Variants in CLOCK observed in about 807,000 individuals in gnomAD.
CLOCK encodes the protein clock circadian regulator.
A neutral mutation model predicts 118.4 loss-of-function variants in CLOCK; 43 were observed. That is an observed-to-expected ratio of 0.36 (90% CI 0.28 to 0.47). CLOCK has a LOEUF of 0.47. Ranked by LOEUF, CLOCK falls within the 20% of genes least tolerant of loss-of-function variation. The pLI is 1.00. For synonymous variants in CLOCK, 326 were observed against 339.2 expected (o/e 0.96, Z 0.43); for missense variants, 846 against 999.9 (o/e 0.85, Z 2.08).
intron 8 of CLOCK, among the ~76,000 whole-genome samples, chr4:55,464,928 C>T (rs1324958828): frequency 6.6e-6 from 1 of 152,188 alleles, no homozygotes; most frequent in African/African-American, 2.4e-5. Flanking sequence ...AAGCCCACTC[C>T]ATGAAGTGAG....
intron 9 of CLOCK, among the ~76,000 whole-genome samples, chr4:55,461,046 G>T (rs547570368): frequency 6.6e-6 from 1 of 151,224 alleles, no homozygotes; most frequent in Non-Finnish European, 1.5e-5. Flanking sequence ...GCTCAGCCTC[G>T]AGTAGCAGGA....
At chr4:55,458,863 C>T (rs1257009887) in intron 11 of CLOCK, 29 bp downstream of exon 11, 4 of 1,509,906 alleles carry the variant, frequency 2.6e-6, no homozygotes, top group African/African-American at 2.8e-5. Context: ...AACTGAAATC[C>T]CCTTTGGGAA....
rs537887575 is a variant in CLOCK, at chr4:55,502,674, A to G, written c.-136+7238T>C. Among the ~76,000 whole-genome samples the G allele has an allele frequency of 3.3e-5, 5 of 152,348 alleles. No individual in the cohort carries two copies. In the East Asian group the frequency reaches 9.6e-4, roughly 29 times the overall value. On this transcript the variant is annotated intron_variant, in intron 2 of 22. Coordinates refer to ENST00000513440, the MANE Select transcript of CLOCK (RefSeq NM_004898.4). ...AGCGTTAACCATAAAAAAATTTGAT[A>G]AAATGGACTTCATTAAAATTAAGAA...
chr4:55,543,368 G>C (rs547960641), intron 1 of CLOCK, among the ~76,000 whole-genome samples: 1 of 152,268 alleles, frequency 6.6e-6, no homozygotes, highest in African/African-American at 2.4e-5. Context: ...GGTAATAACA[G>C]AGCCCATACT....
chr4:55,540,073 T>G (rs764794077), intron 1 of CLOCK, among the ~76,000 whole-genome samples: 3 of 151,524 alleles, frequency 2.0e-5, no homozygotes, highest in Non-Finnish European at 2.9e-5. Flanking sequence ...AATGGCGTGA[T>G]CTCTGCTCAC....
At chr4:55,545,067 CTTTT>C (rs966722411) in intron 1 of CLOCK, among the ~76,000 whole-genome samples, 1 of 86,506 alleles carries the variant, frequency 1.2e-5, no homozygotes, top group Non-Finnish European at 2.7e-5. Context: ...TTTTTTTTTA[CTTTT>C]TTTATTATTA....
chr4:55,539,238 AAC>A (rs1731095973), intron 1 of CLOCK, among the ~76,000 whole-genome samples: 1 of 64,412 alleles, frequency 1.6e-5, no homozygotes, highest in Admixed American at 2.1e-4. Context: ...GTCTCAAAAA[AAC>A]AACAACAACA....
intron 8 of CLOCK, 72 bp from the exon 9 acceptor site, chr4:55,463,877 C>A: frequency 7.1e-7 from 1 of 1,410,762 alleles, no homozygotes; most frequent in Admixed American, 2.0e-5. Context: ...AGTACATAAT[C>A]GCTATTAAAC....
At chr4:55,452,885 T>G (rs928798187) in intron 15 of CLOCK, 169 bp downstream of exon 15, 15 of 527,250 alleles carry the variant, frequency 2.8e-5, no homozygotes, top group South Asian at 2.6e-5. Flanking sequence ...TAGAGGCAGG[T>G]GAGACTCTAA....
At chr4:55,461,733 G>A (rs1307362653) in intron 9 of CLOCK, among the ~76,000 whole-genome samples, 2 of 152,140 alleles carry the variant, frequency 1.3e-5, no homozygotes, top group Admixed American at 6.5e-5. Context: ...TAAGCCTGGG[G>A]TAGGCAACCC....
Position 55,480,491 on chromosome 4 carries a change from C to T in CLOCK, c.48-792G>A, listed in dbSNP as rs562500798. Among the ~76,000 whole-genome samples the T allele has an allele frequency of 3.3e-5, 5 of 152,246 alleles. No individual in the cohort carries two copies. In the South Asian group the frequency reaches 1.0e-3, roughly 32 times the overall value. On this transcript the variant is annotated intron_variant, in intron 4 of 22. Transcript: ENST00000513440. ...ATGTTGACCAGGCTGGTCTTGAACT[C>T]CTGGGCTCAAATGACCTTCCTATCT... is the stretch of plus-strand genomic sequence containing the variant.
At chr4:55,437,302 A>G (rs1217363942) in intron 22 of CLOCK, among the ~76,000 whole-genome samples, 5 of 152,218 alleles carry the variant, frequency 3.3e-5, no homozygotes, top group African/African-American at 1.2e-4. Context: ...GAAATTGATG[A>G]TAAGTGCCCA....
intron 18 of CLOCK, among the ~76,000 whole-genome samples, chr4:55,447,755 T>C (rs1723992052): frequency 6.6e-6 from 1 of 152,180 alleles, no homozygotes; most frequent in African/African-American, 2.4e-5. Flanking sequence ...TAAATAACCA[T>C]ATAAGATGGA....
intron 2 of CLOCK, among the ~76,000 whole-genome samples, chr4:55,501,317 G>A (rs997411804): frequency 7.0e-6 from 1 of 143,114 alleles, no homozygotes; most frequent in Non-Finnish European, 1.6e-5. Context: ...GTATATGAGG[G>A]TTTTTTAAAA....
rs753230415 is a variant in CLOCK at position 55,438,362 on chromosome 4, T to TCTGCTG, written c.2275_2280dup (p.Gln759_Gln760dup). The TCTGCTG allele has an allele frequency of 8.1e-6, 13 of 1,613,046 alleles. No homozygotes were observed. Among genetic ancestry groups the TCTGCTG allele is most frequent in the African/African-American group, 8.0e-5 (6 of 75,000 alleles). Reference sequence around the variant, plus strand: ...GAAGTGAGCTGCTGCTCCTGGGAGCTCTGCTGCTGCTGCTGCTGCGTTACT... The same window carrying TCTGCTG: ...GAAGTGAGCTGCTGCTCCTGGGAGCTCTGCTGCTGCTGCTGCTGCTGCTGCGTTACT... On this transcript the variant is annotated inframe_insertion, in exon 22 of 23. Coordinates refer to ENST00000513440, the MANE Select transcript of CLOCK (RefSeq NM_004898.4).
rs1233359135 is a variant in CLOCK, at chr4:55,442,453, A to C, written c.2084T>G (p.Phe695Cys). The C allele has an allele frequency of 6.2e-7, 1 of 1,609,222 alleles. No homozygotes were observed. Among genetic ancestry groups the C allele is most frequent in the East Asian group, 2.2e-5 (1 of 44,734 alleles). Residue 695 changes from phenylalanine (F) to cysteine (C), a missense_variant, in exon 21 of 23, where the codon TTC becomes TGC. Physicochemically the swap from Phe to Cys is radical, Grantham distance 205. Around this residue, in one of 4 missense-constraint regions of CLOCK, gnomAD observed 520 missense variants for 558.0 expected, o/e 0.93. Transcript: ENST00000513440. The stretch of plus-strand genomic sequence containing the variant: ...CTACCTTATCTGCCTGTCCTGAGTG[A>C]ATGTAGTTACTGCAGCACTCTGGGT... ...NSTQSAAVTT[F>C]TQDRQIRFSQ...
At chr4:55,515,633 T>G (rs1260365271) in intron 1 of CLOCK, among the ~76,000 whole-genome samples, 1 of 152,184 alleles carries the variant, frequency 6.6e-6, no homozygotes, top group Non-Finnish European at 1.5e-5. Flanking sequence ...TCCACCCACC[T>G]CTGCCTCCCA....
intron 4 of CLOCK, among the ~76,000 whole-genome samples, chr4:55,481,554 C>A (rs1010223117): frequency 3.3e-5 from 5 of 152,170 alleles, no homozygotes; most frequent in African/African-American, 1.2e-4. Flanking sequence ...ATGGTGCAGG[C>A]AGGCTTCTTT....
Position 55,453,058 on chromosome 4 carries a change from T to A in CLOCK, c.1202A>T (p.Asp401Val). The A allele has an allele frequency of 6.2e-7, 1 of 1,607,240 alleles. No homozygotes were observed. Reference protein sequence around the residue: ...IEESLPETAADKSQDSGSDNR... With the variant: ...IEESLPETAAVKSQDSGSDNR... ...TTTTAATTATAAGAAACATACTTTG[T>A]CAGCAGCTGTCTCAGGAAGAGACTC... is the stretch of plus-strand genomic sequence containing the variant. Residue 401 changes from aspartate to valine, a missense_variant, in exon 15 of 23, where the codon GAC becomes GTC. This residue lies in a region of CLOCK where 520 missense variants were observed against 558.0 expected (regional missense o/e 0.93). Coordinates refer to ENST00000513440, the MANE Select transcript of CLOCK (RefSeq NM_004898.4).
Sources: gnomAD v4.1 joint callset for allele counts (sites outside exome capture counted in the v4.1 genomes callset) on GRCh38, gnomAD v4.1.1 for gene constraint, gnomAD v4.1.1 regional missense constraint, MANE v1.5 for transcripts, NCBI Gene and HGNC (gene_info 2026-07-23, HGNC 2026-07-21) for gene names.